EFCAB9: variants seen among roughly 807,000 people sequenced by gnomAD.
The protein encoded by EFCAB9 is EF-hand calcium-binding domain-containing protein 9.
Under a neutral mutation model 15.6 loss-of-function variants are expected in EFCAB9, and 16 were observed. That is an observed-to-expected ratio of 1.03 (90% CI 0.69 to 1.56). EFCAB9 has a LOEUF of 1.56. Among genes scored for constraint, EFCAB9 ranks in the 40% most tolerant of loss-of-function variants. The pLI is 0.00. For missense variants in EFCAB9, 208 were observed against 235.4 expected, an observed-to-expected ratio of 0.88 and a Z score of 0.76; for synonymous variants, 76 against 85.4, an observed-to-expected ratio of 0.89 and a Z score of 0.61.
At chr5:172,198,878 T>G (rs753153460) in intron 1 of EFCAB9, among the ~76,000 whole-genome samples, 1 of 152,226 alleles carries the variant, frequency 6.6e-6, no homozygotes, top group Non-Finnish European at 1.5e-5. Context: ...CCTCCCAAAC[T>G]GCTGGGATTA....
chr5:172,196,599 C>T (rs1285336385), intron 1 of EFCAB9, among the ~76,000 whole-genome samples: 2 of 152,122 alleles, frequency 1.3e-5, no homozygotes, highest in Non-Finnish European at 2.9e-5. Flanking sequence ...TGGTCTTGAA[C>T]TCGTGACCTC....
At position 172,202,329 on chromosome 5, in the gene EFCAB9, T is replaced by C. The variant is rs1454303337; in HGVS notation, c.463-885T>C. Among the ~76,000 whole-genome samples, 6 of 30,006 alleles carry C rather than the reference T, an allele frequency of 2.0e-4. No homozygotes were observed. In the East Asian group the frequency reaches 6.3e-3, roughly 32 times the overall value. 19.7% of individuals were successfully genotyped at this position (30,006 alleles called of 152,430 possible). A position where few individuals can be genotyped will look rare whatever the true frequency, so the allele number is the denominator to read the frequency against. On this transcript the variant is annotated intron_variant, in intron 3 of 3. Coordinates refer to ENST00000398186, the MANE Select transcript of EFCAB9 (RefSeq NM_001171183.2). ...GCCTGGGCGACAGAGTGAGACTTCA[T>C]CTCAAAAAAAAAAAAAAAAAAAAAA...
At chr5:172,201,603 C>T (rs1436175816) in intron 3 of EFCAB9, among the ~76,000 whole-genome samples, 1 of 152,154 alleles carries the variant, frequency 6.6e-6, no homozygotes, top group East Asian at 1.9e-4. Context: ...AATATGGATA[C>T]AAAATTATAC....
rs999569599 is a variant in EFCAB9, at chr5:172,199,864, T to G, written c.285+333T>G. ...TGCCTCACTCCTTCAATGATCCTTTTCCTCAGAGAACCTTCTGAGGTCTTT... is the reference window on the plus strand; with the variant it reads ...TGCCTCACTCCTTCAATGATCCTTTGCCTCAGAGAACCTTCTGAGGTCTTT... On this transcript the variant is annotated intron_variant, in intron 2 of 3. Transcript: ENST00000398186. Among the ~76,000 whole-genome samples the G allele has an allele frequency of 8.6e-5, 13 of 151,948 alleles. No individual in the cohort carries two copies. In the South Asian group the frequency reaches 2.5e-3, roughly 29 times the overall value.
Position 172,199,478 on chromosome 5 carries a change from G to A in EFCAB9, c.232G>A (p.Glu78Lys), listed in dbSNP as rs1037336156. Residue 78 changes from glutamate to lysine, a missense_variant, in exon 2 of 4, where the codon GAG (glutamate) becomes AAG (lysine). Glu to Lys is a moderately conservative substitution (Grantham distance 56). Transcript: ENST00000398186. ...FDMLDWNAVG[E>K]IDFEKFYMLV... ...CATGCTGGACTGGAACGCTGTGGGC[G>A]AGATCGACTTTGAGAAGTTCTACAT... The A allele has an allele frequency of 1.0e-5, 16 of 1,537,234 alleles. No homozygotes were observed. The highest frequency in any genetic ancestry group is 6.8e-5 in the African/African-American group (5 of 73,036).
chr5:172,196,321 C>T (rs1489926350), intron 1 of EFCAB9, among the ~76,000 whole-genome samples: 1 of 151,990 alleles, frequency 6.6e-6, no homozygotes, highest in Non-Finnish European at 1.5e-5. Context: ...ATTTGCTGTG[C>T]TTTTAGCTGG....
intron 3 of EFCAB9, among the ~76,000 whole-genome samples, chr5:172,201,744 C>T (rs567344012): frequency 5.7e-4 from 86 of 152,060 alleles, no homozygotes; most frequent in Non-Finnish European, 1.1e-3. Flanking sequence ...CACTGTGGTG[C>T]GCACCTGTAG....
At chr5:172,195,181 T>A (rs545479308) in intron 1 of EFCAB9, among the ~76,000 whole-genome samples, 49 of 129,736 alleles carry the variant, frequency 3.8e-4, no homozygotes, top group South Asian at 9.1e-4. Context: ...AATAAATAAA[T>A]AAAAATAAAT....
intron 3 of EFCAB9, among the ~76,000 whole-genome samples, chr5:172,201,058 C>A (rs1000784738): frequency 6.6e-6 from 1 of 151,912 alleles, no homozygotes; most frequent in South Asian, 2.1e-4. Context: ...CATTGTGAAA[C>A]CCTGTCTCTA....
chr5:172,195,978 T>C (rs1033585423), intron 1 of EFCAB9, among the ~76,000 whole-genome samples: 3 of 152,060 alleles, frequency 2.0e-5, no homozygotes, highest in African/African-American at 7.2e-5. Flanking sequence ...AATTTCTGTA[T>C]TCTTAGTAAA....
Position 172,203,314 on chromosome 5 carries a change from G to T in EFCAB9, c.563G>T (p.Arg188Ile). 1 of 1,536,156 alleles carries T rather than the reference G, an allele frequency of 6.5e-7. No homozygotes were observed. The highest frequency in any genetic ancestry group is 8.7e-7 in the Non-Finnish European group (1 of 1,146,642). ...TEEKEKGERK[R>I]SLYSKCHIK is the part of the protein sequence containing the mutation. Reference sequence around the variant, plus strand: ...GAGAAAGAAAAAGGAGAGAGAAAGAGAAGTCTCTACTCAAAATGTCACATC... The same window carrying T: ...GAGAAAGAAAAAGGAGAGAGAAAGATAAGTCTCTACTCAAAATGTCACATC... Residue 188 changes from arginine (R) to isoleucine (I), a missense_variant, in exon 4 of 4, where the codon AGA becomes ATA. By Grantham distance (97) the Arg-to-Ile change is moderately conservative. Coordinates refer to ENST00000398186, the MANE Select transcript of EFCAB9 (RefSeq NM_001171183.2).
At chr5:172,199,645 G>C in intron 2 of EFCAB9, 114 bp downstream of exon 2, 1 of 1,413,750 alleles carries the variant, frequency 7.1e-7, no homozygotes, top group Non-Finnish European at 9.4e-7. Flanking sequence ...GGGTGGTGGG[G>C]AAAATGAGTT....
At chr5:172,196,531 T>C (rs927785259) in intron 1 of EFCAB9, among the ~76,000 whole-genome samples, 2 of 151,982 alleles carry the variant, frequency 1.3e-5, no homozygotes, top group African/African-American at 2.4e-5. Flanking sequence ...CATGCACCAC[T>C]ACGTCCGGCT....
intron 1 of EFCAB9, 139 bp downstream of exon 1, chr5:172,194,447 T>G: frequency 8.9e-7 from 1 of 1,118,766 alleles, no homozygotes; most frequent in South Asian, 1.7e-5. Flanking sequence ...TTGCCCAGGC[T>G]GGAGTACGAT....
chr5:172,200,490 T>A, intron 2 of EFCAB9, 76 bp from the exon 3 acceptor site: 1 of 1,398,164 alleles, frequency 7.2e-7, no homozygotes, highest in Non-Finnish European at 9.5e-7. Context: ...CTGGTGAAGA[T>A]ATGTCTTGAG....
intron 1 of EFCAB9, among the ~76,000 whole-genome samples, chr5:172,198,796 A>G (rs1186658875): frequency 2.6e-5 from 4 of 152,142 alleles, no homozygotes; most frequent in African/African-American, 9.7e-5. Flanking sequence ...TTGTATTTTT[A>G]GTAGAGACAG....
Position 172,203,412 on chromosome 5 carries a change from A to G in EFCAB9, c.*67A>G, listed in dbSNP as rs1011373277. ...GTACAGAACATGAACATTGATGAAG[A>G]CTGTTAACATGTCTAAAAATAAATT... On this transcript the variant is annotated 3_prime_UTR_variant, in exon 4 of 4. Transcript: ENST00000398186. 14 of 1,467,532 alleles carry G rather than the reference A, an allele frequency of 9.5e-6. No homozygotes were observed. Among genetic ancestry groups the G allele is most frequent in the Admixed American group, 8.0e-5 (3 of 37,286 alleles). 90.9% of individuals were successfully genotyped at this position (1,467,532 alleles called of 1,614,324 possible). A position where few individuals can be genotyped will look rare whatever the true frequency, so the allele number is the denominator to read the frequency against.
chr5:172,200,496 T>C (rs979312772), intron 2 of EFCAB9, 70 bp from the exon 3 acceptor site: 2 of 1,446,016 alleles, frequency 1.4e-6, no homozygotes, highest in South Asian at 2.8e-5. Flanking sequence ...AAGATATGTC[T>C]TGAGGAAACA....
At chr5:172,195,187 T>TAAATAAATAA (rs1561841928) in intron 1 of EFCAB9, among the ~76,000 whole-genome samples, 48 of 99,148 alleles carry the variant, frequency 4.8e-4, no homozygotes, top group African/African-American at 1.7e-3. Context: ...TAAATAAAAA[T>TAAATAAATAA]AAATAAATAA....
Sources: gnomAD v4.1 joint callset for allele counts (sites outside exome capture counted in the v4.1 genomes callset) on GRCh38, gnomAD v4.1.1 for gene constraint, MANE v1.5 for transcripts, NCBI Gene and HGNC (gene_info 2026-07-23, HGNC 2026-07-21) for gene names.